Variants in FHIT observed in about 807,000 individuals in gnomAD.
FHIT encodes the protein fragile histidine triad diadenosine triphosphatase, also known as bis(5'-adenosyl)-triphosphatase.
A neutral mutation model predicts 17.9 loss-of-function variants in FHIT; 19 were observed. The observed-to-expected ratio is 1.06, with a 90% CI of 0.74 to 1.56. The LOEUF is 1.56. Ranked by LOEUF, FHIT falls within the 40% of genes most tolerant of loss-of-function variation. The pLI is 0.00. For synonymous variants in FHIT, 81 were observed against 69.7 expected, an observed-to-expected ratio of 1.16 and a Z score of -0.81; for missense variants, 248 against 189.2, an observed-to-expected ratio of 1.31 and a Z score of -1.82.
At chr3:61,108,853 A>T (rs1486308501) in intron 2 of FHIT, among the ~76,000 whole-genome samples, 1 of 152,204 alleles carries the variant, frequency 6.6e-6, no homozygotes, top group Non-Finnish European at 1.5e-5. Context: ...ATAATGGCAG[A>T]TATGATTAAG....
chr3:59,917,583 T>C (rs575876835), intron 8 of FHIT, among the ~76,000 whole-genome samples: 3 of 152,254 alleles, frequency 2.0e-5, no homozygotes, highest in Admixed American at 2.0e-4. Context: ...GCATAATTCA[T>C]GAAAATTTAA....
chr3:59,825,646 C>G (rs540358639), intron 8 of FHIT, among the ~76,000 whole-genome samples: 1 of 152,308 alleles, frequency 6.6e-6, no homozygotes, highest in East Asian at 1.9e-4. Context: ...TAAGATCAGG[C>G]TTTGAATGAA....
At chr3:61,101,183 T>G (rs2106850402) in intron 2 of FHIT, among the ~76,000 whole-genome samples, 1 of 152,370 alleles carries the variant, frequency 6.6e-6, no homozygotes, top group South Asian at 2.1e-4. Flanking sequence ...CTAGGGTTTT[T>G]ATGGTTTTAG....
At chr3:60,529,632 G>A (rs1476242227) in intron 5 of FHIT, among the ~76,000 whole-genome samples, 1 of 152,126 alleles carries the variant, frequency 6.6e-6, no homozygotes, top group South Asian at 2.1e-4. Flanking sequence ...AAAATCTGAT[G>A]ACTTGCATGG....
chr3:60,953,872 C>T (rs920020009), intron 3 of FHIT, among the ~76,000 whole-genome samples: 12 of 152,300 alleles, frequency 7.9e-5, no homozygotes, highest in African/African-American at 2.6e-4. Flanking sequence ...GGAAAGATGT[C>T]CATTATAGTT....
chr3:59,798,475 T>C (rs1489621395), intron 8 of FHIT, among the ~76,000 whole-genome samples: 1 of 152,220 alleles, frequency 6.6e-6, no homozygotes, highest in African/African-American at 2.4e-5. Flanking sequence ...GCTGCATCAT[T>C]GCTGCTTGGG....
chr3:60,338,577 A>C (rs1181801372), intron 5 of FHIT, among the ~76,000 whole-genome samples: 1 of 152,186 alleles, frequency 6.6e-6, no homozygotes, highest in Non-Finnish European at 1.5e-5. Context: ...CCTTTATCAC[A>C]TGCTGCCTTC....
At chr3:60,838,705 A>G (rs1450022619) in intron 3 of FHIT, among the ~76,000 whole-genome samples, 3 of 152,146 alleles carry the variant, frequency 2.0e-5, no homozygotes, top group Admixed American at 1.3e-4. Flanking sequence ...AAAAAAATAT[A>G]CAATAAACCG....
intron 4 of FHIT, among the ~76,000 whole-genome samples, chr3:60,741,102 C>G (rs1015481683): frequency 7.2e-5 from 11 of 152,198 alleles, no homozygotes; most frequent in Non-Finnish European, 1.6e-4. Context: ...TCTAAACTAT[C>G]AAAGTCACGT....
intron 5 of FHIT, among the ~76,000 whole-genome samples, chr3:60,044,053 A>G (rs1701552189): frequency 6.6e-6 from 1 of 152,212 alleles, no homozygotes. Flanking sequence ...TAAATGTTGT[A>G]AGTCAAAACC....
intron 7 of FHIT, among the ~76,000 whole-genome samples, chr3:59,984,557 G>C (rs1559521325): frequency 1.3e-5 from 2 of 152,018 alleles, no homozygotes; most frequent in Non-Finnish European, 2.9e-5. Context: ...CTCTACACCA[G>C]CAAGAGAAAG....
At chr3:60,078,153 T>C (rs540480397) in intron 5 of FHIT, among the ~76,000 whole-genome samples, 1 of 152,100 alleles carries the variant, frequency 6.6e-6, no homozygotes, top group South Asian at 2.1e-4. Flanking sequence ...TGGGTAAAAG[T>C]ATAAGAAAAA....
intron 7 of FHIT, among the ~76,000 whole-genome samples, chr3:59,980,640 G>A (rs953380580): frequency 6.6e-6 from 1 of 152,154 alleles, no homozygotes; most frequent in African/African-American, 2.4e-5. Context: ...CCAGGCCAAG[G>A]ATAGCTTGTC....
At chr3:61,046,575 G>A (rs1183685938) in intron 2 of FHIT, among the ~76,000 whole-genome samples, 3 of 152,200 alleles carry the variant, frequency 2.0e-5, no homozygotes, top group Non-Finnish European at 4.4e-5. Flanking sequence ...AAGAGGACCT[G>A]GTACCGTTGC....
intron 5 of FHIT, among the ~76,000 whole-genome samples, chr3:60,222,181 C>T (rs527796588): frequency 6.6e-6 from 1 of 152,266 alleles, no homozygotes; most frequent in South Asian, 2.1e-4. Flanking sequence ...TCTAACAACA[C>T]AGGAAATCAT....
At chr3:60,485,614 G>A (rs1258053317) in intron 5 of FHIT, among the ~76,000 whole-genome samples, 1 of 151,450 alleles carries the variant, frequency 6.6e-6, no homozygotes, top group Admixed American at 6.6e-5. Flanking sequence ...AGAATACATG[G>A]ACACAGGGAG....
chr3:59,964,663 A>T (rs1167034074), intron 7 of FHIT, among the ~76,000 whole-genome samples: 1 of 152,190 alleles, frequency 6.6e-6, no homozygotes, highest in East Asian at 1.9e-4. Flanking sequence ...CATTATGGAA[A>T]TAAGGGAGAA....
At chr3:59,996,456 G>A (rs1194505339) in intron 7 of FHIT, among the ~76,000 whole-genome samples, 2 of 152,040 alleles carry the variant, frequency 1.3e-5, no homozygotes, top group Non-Finnish European at 2.9e-5. Context: ...AGGGGAATAG[G>A]AGGCCCCTGA....
At chr3:61,074,933 C>A (rs2034924862) in intron 2 of FHIT, among the ~76,000 whole-genome samples, 1 of 152,100 alleles carries the variant, frequency 6.6e-6, no homozygotes, top group African/African-American at 2.4e-5. Flanking sequence ...TCAAGTTAAA[C>A]GTTCTGTGTA....
Sources: allele counts gnomAD v4.1 joint callset (sites outside exome capture counted in the v4.1 genomes callset), GRCh38; gene constraint gnomAD v4.1.1; transcripts MANE v1.5; gene names NCBI Gene and HGNC (gene_info 2026-07-23, HGNC 2026-07-21).